The following SMIM35 variants were observed in gnomAD, a reference collection of about 807,000 sequenced individuals.
The protein encoded by SMIM35 is TMPRSS4 antisense RNA 1 (non-protein coding).
intron 4 of SMIM35, among the ~76,000 whole-genome samples, chr11:118,013,049 T>C (rs1328292383): frequency 6.6e-6 from 1 of 152,132 alleles, no homozygotes; most frequent in African/African-American, 2.4e-5. Context: ...GTGGCCTCTT[T>C]TAGTTCTGAG....
chr11:118,047,409 G>A (rs867542079), intron 1 of SMIM35, among the ~76,000 whole-genome samples: 3 of 152,292 alleles, frequency 2.0e-5, no homozygotes, highest in South Asian at 2.1e-4. Context: ...GGCCCCAGTC[G>A]GGGCTTTGGA....
intron 1 of SMIM35, among the ~76,000 whole-genome samples, chr11:118,047,797 A>G (rs1944124986): frequency 6.6e-6 from 1 of 152,208 alleles, no homozygotes; most frequent in South Asian, 2.1e-4. Flanking sequence ...CAGCCTAAGC[A>G]AATGCCTTCT....
At chr11:118,067,976 G>A (rs1016843797) in intron 1 of SMIM35, among the ~76,000 whole-genome samples, 2 of 136,036 alleles carry the variant, frequency 1.5e-5, no homozygotes, top group Admixed American at 1.5e-4. Flanking sequence ...CTATTTTTTC[G>A]CTATCCCAAT....
At chr11:118,042,278 G>A (rs1046467355) in intron 1 of SMIM35, among the ~76,000 whole-genome samples, 2 of 151,816 alleles carry the variant, frequency 1.3e-5, no homozygotes, top group African/African-American at 4.8e-5. Flanking sequence ...AATGAAAGAG[G>A]GGACATTGTT....
At chr11:118,021,561 A>G (rs913025464) in intron 1 of SMIM35, among the ~76,000 whole-genome samples, 1 of 152,148 alleles carries the variant, frequency 6.6e-6, no homozygotes, top group Non-Finnish European at 1.5e-5. Flanking sequence ...TATAAAATGT[A>G]TCTTTAACTT....
intron 1 of SMIM35, among the ~76,000 whole-genome samples, chr11:118,031,200 A>G (rs555042949): frequency 2.5e-4 from 38 of 152,214 alleles, no homozygotes; most frequent in Admixed American, 4.6e-4. Flanking sequence ...TAATACACAT[A>G]TAAATAGATA....
chr11:118,010,866 G>A (rs533128878), intron 4 of SMIM35, among the ~76,000 whole-genome samples: 17 of 152,336 alleles, frequency 1.1e-4, no homozygotes, highest in East Asian at 5.8e-4. Flanking sequence ...AAAAGGTAGC[G>A]GGAAGGTGTT....
intron 4 of SMIM35, among the ~76,000 whole-genome samples, chr11:118,010,856 A>G (rs2058146396): frequency 6.6e-6 from 1 of 152,208 alleles, no homozygotes; most frequent in South Asian, 2.1e-4. Flanking sequence ...AAGAACCGTA[A>G]AAAGGTAGCG....
At chr11:118,054,727 T>C (rs1944283709) in intron 1 of SMIM35, among the ~76,000 whole-genome samples, 1 of 152,176 alleles carries the variant, frequency 6.6e-6, no homozygotes, top group Admixed American at 6.5e-5. Context: ...ATGTTTCCAA[T>C]ATAAATCCCC....
intron 1 of SMIM35, among the ~76,000 whole-genome samples, chr11:118,053,788 C>G (rs1053543209): frequency 6.6e-6 from 1 of 152,170 alleles, no homozygotes; most frequent in African/African-American, 2.4e-5. Flanking sequence ...AGACCCCCAC[C>G]CCAGCCCCTG....
chr11:118,074,870 T>C (rs576096070), intron 1 of SMIM35, among the ~76,000 whole-genome samples: 6 of 152,244 alleles, frequency 3.9e-5, no homozygotes, highest in Non-Finnish European at 7.4e-5. Flanking sequence ...CACCCCCACC[T>C]GCAGGCATCA....
At chr11:118,065,438 T>C (rs1944457883) in intron 1 of SMIM35, among the ~76,000 whole-genome samples, 1 of 152,182 alleles carries the variant, frequency 6.6e-6, no homozygotes, top group Non-Finnish European at 1.5e-5. Context: ...CATACTGACT[T>C]CCTAGAACTA....
chr11:118,077,384 T>A, intron 1 of SMIM35: 1 of 1,473,788 alleles, frequency 6.8e-7, no homozygotes, highest in Non-Finnish European at 9.1e-7. Context: ...AGCCTGAGCA[T>A]CCATCAGCTG....
intron 1 of SMIM35, among the ~76,000 whole-genome samples, chr11:118,072,141 C>T (rs1298625364): frequency 1.3e-5 from 2 of 152,104 alleles, no homozygotes; most frequent in East Asian, 3.8e-4. Context: ...GATGGCCAGG[C>T]ACATATAGAC....
At chr11:118,032,950 G>C (rs2058330782) in intron 1 of SMIM35, among the ~76,000 whole-genome samples, 1 of 152,146 alleles carries the variant, frequency 6.6e-6, no homozygotes, top group South Asian at 2.1e-4. Flanking sequence ...TCTGGAGAGT[G>C]AGATTATGTG....
intron 1 of SMIM35, among the ~76,000 whole-genome samples, chr11:118,017,454 G>A (rs1828489679): frequency 6.6e-6 from 1 of 152,204 alleles, no homozygotes; most frequent in South Asian, 2.1e-4. Flanking sequence ...AGACAGGGAA[G>A]TCATAGAGAG....
At chr11:118,033,473 T>C (rs1035885094) in intron 1 of SMIM35, among the ~76,000 whole-genome samples, 12 of 152,188 alleles carry the variant, frequency 7.9e-5, no homozygotes, top group African/African-American at 2.9e-4. Flanking sequence ...TTTTTTCCTA[T>C]TTCTTTACAA....
intron 1 of SMIM35, among the ~76,000 whole-genome samples, chr11:118,039,561 T>C (rs2135075587): frequency 6.6e-6 from 1 of 151,854 alleles, no homozygotes; most frequent in East Asian, 1.9e-4. Context: ...AATACAAAAA[T>C]TAGCCGGGTG....
At chr11:118,024,757 G>A (rs973290283) in intron 1 of SMIM35, among the ~76,000 whole-genome samples, 2 of 152,166 alleles carry the variant, frequency 1.3e-5, no homozygotes, top group Admixed American at 1.3e-4. Flanking sequence ...ACAGACATGA[G>A]CCACCGTGCC....
Sources: gnomAD v4.1 joint callset for allele counts (sites outside exome capture counted in the v4.1 genomes callset) on GRCh38, gnomAD v4.1.1 for gene constraint, MANE v1.5 for transcripts, NCBI Gene and HGNC (gene_info 2026-07-23, HGNC 2026-07-21) for gene names.